HECTD4: variants seen among roughly 807,000 people sequenced by gnomAD.
HECTD4 encodes the protein HECT domain E3 ubiquitin protein ligase 4, also known as probable E3 ubiquitin-protein ligase HECTD4.
A neutral mutation model predicts 471.5 loss-of-function variants in HECTD4; 114 were observed. That is an observed-to-expected ratio of 0.24 (90% CI 0.21 to 0.28). The LOEUF is 0.28. Ranked by LOEUF, HECTD4 falls within the 10% of genes least tolerant of loss-of-function variation. The pLI is 1.00. For missense variants in HECTD4, 3,866 were observed against 5,651.5 expected (o/e 0.68, Z 10.13); for synonymous variants, 2,012 against 2,256.0 (o/e 0.89, Z 3.07).
intron 1 of HECTD4, among the ~76,000 whole-genome samples, chr12:112,332,098 G>A (rs2035855166): frequency 6.6e-6 from 1 of 151,876 alleles, no homozygotes; most frequent in Admixed American, 6.6e-5. Flanking sequence ...GGGCTGTCAT[G>A]TGGAAGAGGA....
intron 21 of HECTD4, 107 bp from the exon 22 acceptor site, chr12:112,254,269 C>T (rs2033958904): frequency 3.7e-5 from 49 of 1,329,812 alleles, no homozygotes; most frequent in Non-Finnish European, 4.8e-5. Flanking sequence ...TATAACCAGG[C>T]ATTGGTGTCA....
intron 14 of HECTD4, 74 bp downstream of exon 14, chr12:112,266,838 T>C: frequency 1.3e-6 from 1 of 765,294 alleles, no homozygotes; most frequent in Non-Finnish European, 2.3e-6. Flanking sequence ...GTAAATATTA[T>C]CTGAATATGC....
In HECTD4 at chr12:112,265,218, G is replaced by T; in HGVS notation, c.2576C>A (p.Thr859Asn). 1 of 1,607,818 alleles carries T rather than the reference G, an allele frequency of 6.2e-7. No homozygotes were observed. The highest frequency in any genetic ancestry group is 8.5e-7 in the Non-Finnish European group (1 of 1,176,788). The change falls in exon 16 of 76, where the codon ACT becomes AAT. Residue 859 changes from threonine (T) to asparagine (N), a missense_variant. Transcript: ENST00000682272. ...CTTTTGAAAATCATCTTTAGAGACA[G>T]TTTGGCACTTGGTGATTAAGATACA... ...ESCILITKCQ[T>N]VSKDDFQKLL...
intron 7 of HECTD4, among the ~76,000 whole-genome samples, chr12:112,285,608 T>G (rs992182445): frequency 6.6e-6 from 1 of 152,174 alleles, no homozygotes; most frequent in Non-Finnish European, 1.5e-5. Flanking sequence ...TTGTTTGCCA[T>G]AACATCCCCA....
intron 7 of HECTD4, among the ~76,000 whole-genome samples, chr12:112,290,313 T>C (rs1053482932): frequency 1.3e-5 from 2 of 149,104 alleles, no homozygotes; most frequent in African/African-American, 4.9e-5. Context: ...AAGTGAGAGC[T>C]AGTCTCAAAA....
chr12:112,169,870 G>A (rs754195696), intron 69 of HECTD4: 1 of 621,074 alleles, frequency 1.6e-6, no homozygotes, highest in Non-Finnish European at 2.8e-6. Context: ...GCCCTCCTGG[G>A]CCCCCAGTGC....
At position 112,163,263 on chromosome 12, in the gene HECTD4, G is replaced by A. The variant is rs763766190; in HGVS notation, c.12899C>T (p.Ala4300Val). The A allele has an allele frequency of 5.6e-6, 9 of 1,610,884 alleles. No individual in the cohort carries two copies. In the Admixed American group the frequency reaches 1.0e-4, roughly 18 times the overall value. ...LPYINLEFLK[A>V]HTMYQVGLME... ...CAGCCCCACTTGGTACATGGTGTGG[G>A]CCTGGGGAGGAGAGGTCCAGGTGTC... Residue 4300 changes from alanine to valine, a missense_variant and splice_region_variant, in exon 75 of 76, where the codon GCC becomes GTC. This residue lies in a region of HECTD4 where 715 missense variants were observed against 1,087.6 expected (regional missense o/e 0.66). Coordinates refer to ENST00000682272, the MANE Select transcript of HECTD4 (RefSeq NM_001388303.1). The surrounding 1 kb of genome is among the most constrained non-coding windows in gnomAD (Gnocchi z 8.2).
rs138458751 is a variant in HECTD4, at chr12:112,245,823, T to C, written c.4513+1078A>G. ...AATGATTTTCCTGAGAGATGCATTT[T>C]TAGGCTAACAATTAAAATGTGACCT... On this transcript the variant is annotated intron_variant, in intron 29 of 75. Transcript: ENST00000682272. Among the ~76,000 whole-genome samples, 877 of 152,350 alleles carry C rather than the reference T, an allele frequency of 5.8e-3. 29 individuals are homozygous for C. The highest frequency in any genetic ancestry group is 0.033 in the Admixed American group (499 of 15,294).
At chr12:112,200,335 G>C (rs955797016) in intron 55 of HECTD4, among the ~76,000 whole-genome samples, 1 of 152,028 alleles carries the variant, frequency 6.6e-6, no homozygotes, top group African/African-American at 2.4e-5. Flanking sequence ...TGTATTTTTA[G>C]TAGAGATGCG....
At chr12:112,300,865 C>A (rs1014661057) in intron 7 of HECTD4, among the ~76,000 whole-genome samples, 2 of 151,906 alleles carry the variant, frequency 1.3e-5, no homozygotes, top group African/African-American at 4.8e-5. Context: ...CTACTGCACC[C>A]AGCCTGTATT....
intron 7 of HECTD4, among the ~76,000 whole-genome samples, chr12:112,296,200 T>TGTAGGTGCAGACAGTG (rs150291134): frequency 1.8e-4 from 27 of 149,622 alleles, no homozygotes; most frequent in Admixed American, 1.3e-3. Context: ...GTTCAGTGGA[T>TGTAGGTGCAGACAGTG]GTAGGTGCAG....
intron 1 of HECTD4, among the ~76,000 whole-genome samples, chr12:112,321,272 C>T (rs1235841706): frequency 2.0e-5 from 3 of 152,168 alleles, no homozygotes; most frequent in Non-Finnish European, 2.9e-5. Flanking sequence ...TTTTCAGCAG[C>T]TGGGGATAAT....
At chr12:112,344,031 T>C (rs566144077) in intron 1 of HECTD4, among the ~76,000 whole-genome samples, 1 of 152,218 alleles carries the variant, frequency 6.6e-6, no homozygotes, top group African/African-American at 2.4e-5. Context: ...AGAGTTGAGA[T>C]GAACTTGCCT....
intron 2 of HECTD4, 47 bp from the exon 3 acceptor site, chr12:112,314,593 A>G: frequency 9.2e-7 from 1 of 1,088,374 alleles, no homozygotes; most frequent in Non-Finnish European, 1.4e-6. Flanking sequence ...TTTAAAATCA[A>G]ATAATTTAGG....
intron 68 of HECTD4, chr12:112,170,662 T>C (rs920066152): frequency 1.8e-6 from 1 of 567,794 alleles, no homozygotes; most frequent in Non-Finnish European, 3.0e-6. Flanking sequence ...CTAGAAACAA[T>C]GCAAACAAAC....
chr12:112,206,219 G>A (rs915534832), intron 52 of HECTD4, among the ~76,000 whole-genome samples: 2 of 152,166 alleles, frequency 1.3e-5, no homozygotes, highest in Admixed American at 1.3e-4. Flanking sequence ...GTGTTGGTCA[G>A]GGGCAGTGGC....
chr12:112,229,596 T>G, intron 41 of HECTD4, 102 bp downstream of exon 41: 1 of 1,213,310 alleles, frequency 8.2e-7, no homozygotes, highest in South Asian at 1.5e-5. Context: ...GGTTTTTTTG[T>G]ACAGCTGGTT....
intron 9 of HECTD4, among the ~76,000 whole-genome samples, chr12:112,275,619 CATAT>C (rs149305522): frequency 2.0e-5 from 3 of 147,418 alleles, no homozygotes; most frequent in Non-Finnish European, 1.5e-5. Context: ...TCCACACCAG[CATAT>C]ATATATATAT....
intron 7 of HECTD4, among the ~76,000 whole-genome samples, chr12:112,292,512 T>C (rs1489410325): frequency 6.6e-6 from 1 of 152,202 alleles, no homozygotes; most frequent in Non-Finnish European, 1.5e-5. Flanking sequence ...CTCACTGTCT[T>C]TTCTATACTG....
Sources: gnomAD v4.1 joint callset for allele counts (sites outside exome capture counted in the v4.1 genomes callset) on GRCh38, gnomAD v4.1.1 for gene constraint, gnomAD v4.1.1 regional missense constraint, Gnocchi (gnomAD v3.1) non-coding constraint, MANE v1.5 for transcripts, NCBI Gene and HGNC (gene_info 2026-07-23, HGNC 2026-07-21) for gene names.